Variants in APC observed in about 807,000 individuals in gnomAD.
APC encodes the protein APC regulator of Wnt signaling pathway.
APC carries 72 observed loss-of-function variants against 247.0 expected under a neutral mutation model. That is an observed-to-expected ratio of 0.29 (90% CI 0.24 to 0.35). APC has a LOEUF of 0.35. Ranked by LOEUF, APC falls within the 10% of genes least tolerant of loss-of-function variation. The probability of loss-of-function intolerance (pLI) is 1.00; values close to 1 mark genes in which losing one functional copy is unlikely to be tolerated. For synonymous variants in APC, 1,254 were observed against 1,162.5 expected, an observed-to-expected ratio of 1.08 and a Z score of -1.60; for missense variants, 3,400 against 3,360.7, an observed-to-expected ratio of 1.01 and a Z score of -0.29.
intron 14 of APC, among the ~76,000 whole-genome samples, chr5:112,834,086 G>C (rs780679418): frequency 6.6e-6 from 1 of 151,472 alleles, no homozygotes; most frequent in Non-Finnish European, 1.5e-5. Flanking sequence ...CTGCAGGCGC[G>C]TGCCACCATA....
rs61734287 is a variant in APC, at chr5:112,838,759, A to T, written c.3165A>T (p.Ile1055=). The T allele has an allele frequency of 4.2e-3, 6,826 of 1,614,158 alleles. 18 individuals are homozygous for T. Among genetic ancestry groups the T allele is most frequent in the Non-Finnish European group, 5.2e-3 (6,153 of 1,180,020 alleles). The change falls in exon 16 of 16, where the codon ATA becomes ATT. Residue 1055 remains isoleucine, a synonymous_variant. Coordinates refer to ENST00000257430, the MANE Select transcript of APC (RefSeq NM_000038.6). Reference sequence around the variant, plus strand: ...AAAGATGGGCAAGACCCAAACACATAATAGAAGATGAAATAAAACAAAGTG... The same window carrying T: ...AAAGATGGGCAAGACCCAAACACATTATAGAAGATGAAATAAAACAAAGTG... The part of the protein sequence containing the change: ...QNERWARPKH[I]IEDEIKQSEQ...
intron 8 of APC, among the ~76,000 whole-genome samples, chr5:112,806,007 C>T (rs953504345): frequency 1.3e-5 from 2 of 152,184 alleles, no homozygotes; most frequent in African/African-American, 2.4e-5. Context: ...TCTCACACCT[C>T]CACACTGGCC....
intron 1 of APC, among the ~76,000 whole-genome samples, chr5:112,711,549 A>G (rs1437489567): frequency 6.6e-6 from 1 of 152,142 alleles, no homozygotes; most frequent in Non-Finnish European, 1.5e-5. Flanking sequence ...TAGGCTGCAA[A>G]TGGGATTTAA....
chr5:112,835,182 A>G lies in APC; in HGVS notation c.1958+17A>G, dbSNP rs753968575. 1 of 1,594,134 alleles carries G rather than the reference A, an allele frequency of 6.3e-7. No individual in the cohort carries two copies. Among genetic ancestry groups the G allele is most frequent in the Non-Finnish European group, 8.6e-7 (1 of 1,166,032 alleles). On this transcript the variant is annotated intron_variant, in intron 15 of 15. Transcript: ENST00000257430. ...GGACCACAGGTATATATAGAGTTTT[A>G]TATTACTTTTAAAGTACAGAATTCA...
At position 112,834,762 on chromosome 5, in the gene APC, T is replaced by TA. The variant is rs1166075371; in HGVS notation, c.1744-188dup. 5.3e-5 allele frequency among the ~76,000 whole-genome samples: 8 copies of TA among 152,314 alleles called. No individual in the cohort carries two copies. The East Asian group carries it at 1.5e-3, about 29-fold the overall frequency. On this transcript the variant is annotated intron_variant, in intron 14 of 15. Transcript: ENST00000257430. ...TTGTGTTCTGCTTGTTTTATAGAGA[T>TA]ATCACTGATATAAATACTATTTGGT...
rs1751326893 is a variant in APC, at chr5:112,718,857, C to T, written c.165+10975C>T. ...GAAAGACTGGAAATTTCTACATTAGCCATTCCTTTGTGTTAGGGCTCCTTT... is the reference window on the plus strand; with the variant it reads ...GAAAGACTGGAAATTTCTACATTAGTCATTCCTTTGTGTTAGGGCTCCTTT... On this transcript the variant is annotated intron_variant, in intron 1 of 13. Transcript: ENST00000507379. Among the ~76,000 whole-genome samples, 4 of 152,154 alleles carry T rather than the reference C, an allele frequency of 2.6e-5. No homozygotes were observed. The South Asian group carries it at 8.3e-4, about 31-fold the overall frequency.
chr5:112,836,872 T>G (rs1256260032), intron 15 of APC, among the ~76,000 whole-genome samples: 2 of 151,958 alleles, frequency 1.3e-5, no homozygotes, highest in Non-Finnish European at 2.9e-5. Flanking sequence ...GGCTAATTTT[T>G]GTATTTTTAG....
At chr5:112,708,436 C>T (rs1750660570) in intron 1 of APC, among the ~76,000 whole-genome samples, 1 of 152,134 alleles carries the variant, frequency 6.6e-6, no homozygotes, top group African/African-American at 2.4e-5. Context: ...CCTCTGTTGG[C>T]AAATGATTGT....
At chr5:112,787,541 C>T (rs1159206462) in intron 6 of APC, among the ~76,000 whole-genome samples, 14 of 152,102 alleles carry the variant, frequency 9.2e-5, no homozygotes, top group Admixed American at 9.2e-4. Flanking sequence ...TTTGTATTTT[C>T]CTGAGCTACT....
chr5:112,741,986 A>C (rs747591566), intron 1 of APC, among the ~76,000 whole-genome samples: 10 of 152,176 alleles, frequency 6.6e-5, no homozygotes, highest in Non-Finnish European at 1.5e-4. Flanking sequence ...ATGATGTTCC[A>C]TTGCATGTAT....
chr5:112,736,862 G>A (rs1389771471), upstream of APC, among the ~76,000 whole-genome samples: 4 of 152,070 alleles, frequency 2.6e-5, no homozygotes, highest in East Asian at 1.9e-4. Flanking sequence ...TGCAGTGAGC[G>A]GAGATTGCAC....
chr5:112,775,169 A>T (rs1349941143), intron 4 of APC, among the ~76,000 whole-genome samples: 1 of 152,148 alleles, frequency 6.6e-6, no homozygotes, highest in African/African-American at 2.4e-5. Context: ...ATTTCTTATT[A>T]TTTTGGCTGC....
intron 14 of APC, 22 bp from the exon 15 acceptor site, chr5:112,834,929 C>T: frequency 6.3e-7 from 1 of 1,597,984 alleles, no homozygotes; most frequent in Non-Finnish European, 8.6e-7. Flanking sequence ...AATTAGATGA[C>T]CCATATTCTG....
intron 1 of APC, among the ~76,000 whole-genome samples, chr5:112,753,666 C>T (rs188110093): frequency 1.3e-5 from 2 of 152,180 alleles, no homozygotes. Flanking sequence ...AGATTCTAGC[C>T]GTTGTAGAAC....
chr5:112,838,876 A>T lies in APC; in HGVS notation c.3282A>T (p.Gly1094=), dbSNP rs1060503290. 1.2e-6 allele frequency: 2 copies of T among 1,614,162 alleles called. No homozygotes were observed. Among genetic ancestry groups the T allele is most frequent in the Admixed American group, 3.3e-5 (2 of 60,020 alleles). ...ACCTCAAGTTCCAACCACATTTTGG[A>T]CAGCAGGAATGTGTTTCTCCATACA... The part of the protein sequence containing the change: ...DKHLKFQPHF[G]QQECVSPYRS... The change falls in exon 16 of 16, where the codon GGA becomes GGT. Residue 1094 remains glycine (G), a synonymous_variant. Coordinates refer to ENST00000257430, the MANE Select transcript of APC (RefSeq NM_000038.6).
chr5:112,804,020 C>T (rs1236518578), intron 8 of APC, among the ~76,000 whole-genome samples: 1 of 152,210 alleles, frequency 6.6e-6, no homozygotes, highest in Non-Finnish European at 1.5e-5. Context: ...ACCACTCCCT[C>T]AACTTCAACT....
At chr5:112,755,119 A>G (rs1380873960) in intron 2 of APC, 94 bp downstream of exon 2, 6 of 1,538,092 alleles carry the variant, frequency 3.9e-6, no homozygotes, top group Non-Finnish European at 5.3e-6. Flanking sequence ...TTAAAAGTGT[A>G]TTTTAAATTA....
chr5:112,764,316 AG>A (rs1370738064), intron 2 of APC, among the ~76,000 whole-genome samples: 1 of 151,984 alleles, frequency 6.6e-6, no homozygotes, highest in Non-Finnish European at 1.5e-5. Flanking sequence ...GCTCTGTGCA[AG>A]GTTGAGCCAC....
At chr5:112,772,884 T>C (rs1475657207) in intron 4 of APC, among the ~76,000 whole-genome samples, 1 of 152,248 alleles carries the variant, frequency 6.6e-6, no homozygotes, top group Non-Finnish European at 1.5e-5. Context: ...ACCATCTATT[T>C]TATTCTTTTT....
Sources: allele counts gnomAD v4.1 joint callset (sites outside exome capture counted in the v4.1 genomes callset), GRCh38; gene constraint gnomAD v4.1.1; transcripts MANE v1.5; gene names NCBI Gene and HGNC (gene_info 2026-07-23, HGNC 2026-07-21).